Variants in ZNF738 observed in about 807,000 individuals in gnomAD.
ZNF738 encodes zinc finger protein 738, also known as protein ZNF738.
ZNF738 carries 10 observed loss-of-function variants against 9.2 expected under a neutral mutation model. The observed-to-expected ratio is 1.09, with a 90% confidence interval of 0.67 to 1.85. The LOEUF is 1.85. Ranked by LOEUF, ZNF738 falls within the 40% of genes most tolerant of loss-of-function variation. The pLI is 0.00. For missense variants in ZNF738, 346 were observed against 283.6 expected, an observed-to-expected ratio of 1.22 and a Z score of -1.58; for synonymous variants, 113 against 94.5, an observed-to-expected ratio of 1.20 and a Z score of -1.14.
At chr19:21,375,418 C>A in intron 3 of ZNF738, 54 bp downstream of exon 3, 1 of 580,032 alleles carries the variant, frequency 1.7e-6, no homozygotes, top group South Asian at 2.9e-5. Context: ...TTTCATTTCT[C>A]CATTTTTGTA....
chr19:21,387,246 TG>T lies in ZNF738; in HGVS notation c.*3574del, dbSNP rs1480540770. ...TCTTGTCCCCCAGGCTGGTGTGCAA[TG>T]GCATGATGTCGGCTCACTGCAAACT... On this transcript the variant is annotated 3_prime_UTR_variant, in exon 5 of 5. Coordinates refer to ENST00000683779, the MANE Select transcript of ZNF738 (RefSeq NM_001355237.2). 1 of 152,138 alleles carries T rather than the reference TG, an allele frequency of 6.6e-6. No homozygotes were observed. The highest frequency in any genetic ancestry group is 2.4e-5 in the African/African-American group (1 of 41,414). 9.4% of individuals were successfully genotyped at this position (152,138 alleles called of 1,614,324 possible). A position where few individuals can be genotyped will look rare whatever the true frequency, so the allele number is the denominator to read the frequency against.
intron 2 of ZNF738, among the ~76,000 whole-genome samples, chr19:21,367,400 G>T (rs1026748589): frequency 2.0e-5 from 3 of 152,142 alleles, no homozygotes; most frequent in African/African-American, 7.2e-5. Flanking sequence ...GGCCTATGGG[G>T]TTTGTGACTG....
rs919539548 is a variant in ZNF738 at position 21,388,124 on chromosome 19, T to C, written c.*4450T>C. 4.6e-5 allele frequency among the ~76,000 whole-genome samples: 7 copies of C among 152,168 alleles called. No homozygotes were observed. The highest frequency in any genetic ancestry group is 1.5e-5 in the Non-Finnish European group (1 of 68,016). Reference sequence around the variant, plus strand: ...CTGAGTATAGAAAATAATCTAAAACTAAAGTTGATAGAAAAAGTATTTGTA... The same window carrying C: ...CTGAGTATAGAAAATAATCTAAAACCAAAGTTGATAGAAAAAGTATTTGTA... On this transcript the variant is annotated 3_prime_UTR_variant, in exon 5 of 5. Coordinates refer to ENST00000683779, the MANE Select transcript of ZNF738 (RefSeq NM_001355237.2).
Position 21,386,512 on chromosome 19 carries a change from G to A in ZNF738, c.*2838G>A, listed in dbSNP as rs570894660. On this transcript the variant is annotated 3_prime_UTR_variant, in exon 5 of 5. Coordinates refer to ENST00000683779, the MANE Select transcript of ZNF738 (RefSeq NM_001355237.2). ...TGGAGAGAAACCTCACAACTGTGAA[G>A]AATGTGGCAAAGCTTTTAACCAGTC... The A allele has an allele frequency of 1.3e-5, 5 of 376,972 alleles. No individual in the cohort carries two copies. The East Asian group carries it at 2.7e-4, about 21-fold the overall frequency. The allele number at this position is 376,972 out of a possible 1,614,324, so 23.4% of individuals were successfully genotyped here.
chr19:21,368,376 A>G (rs1466931003), intron 2 of ZNF738, among the ~76,000 whole-genome samples: 1 of 152,118 alleles, frequency 6.6e-6, no homozygotes. Context: ...TCTAAGAATA[A>G]TGGTCTCCAG....
Position 21,377,468 on chromosome 19 carries a change from A to G in ZNF738, c.319+1504A>G, listed in dbSNP as rs757794971. On this transcript the variant is annotated intron_variant, in intron 4 of 4. Transcript: ENST00000683779. The stretch of plus-strand genomic sequence containing the variant: ...TCCAGTCTGTCAATATTTGCTTTAT[A>G]TATTTGGAACCTTAGTGTGACATAC... 9 of 706,308 alleles carry G rather than the reference A, an allele frequency of 1.3e-5. No individual in the cohort carries two copies. The South Asian group carries it at 1.3e-4, about 11-fold the overall frequency. 43.8% of individuals were successfully genotyped at this position (706,308 alleles called of 1,614,324 possible).
intron 2 of ZNF738, among the ~76,000 whole-genome samples, chr19:21,373,487 C>A (rs1654516081): frequency 6.6e-6 from 1 of 152,128 alleles, no homozygotes; most frequent in African/African-American, 2.4e-5. Context: ...ATTACTGTAG[C>A]AGAAATTGCT....
Position 21,383,453 on chromosome 19 carries a change from C to T in ZNF738, c.907C>T (p.Leu303Phe). The stretch of plus-strand genomic sequence containing the variant: ...CAAAGATTTTAAACAGTCCTCACAC[C>T]TTACTAAACATAAGACAATTCATGC... ...CGKDFKQSSH[L>F]TKHKTIHAGE... The change falls in exon 5 of 5, where the codon CTT becomes TTT. Residue 303 changes from leucine to phenylalanine, a missense_variant. Physicochemically the swap from Leu to Phe is conservative, Grantham distance 22. Coordinates refer to ENST00000683779, the MANE Select transcript of ZNF738 (RefSeq NM_001355237.2). 4 of 556,948 alleles carry T rather than the reference C, an allele frequency of 7.2e-6. No homozygotes were observed. Among genetic ancestry groups the T allele is most frequent in the Non-Finnish European group, 1.3e-5 (4 of 310,710 alleles). 34.5% of individuals were successfully genotyped at this position (556,948 alleles called of 1,614,324 possible).
intron 4 of ZNF738, chr19:21,377,870 GACTT>G: frequency 5.3e-6 from 2 of 380,840 alleles, no homozygotes; most frequent in Non-Finnish European, 9.3e-6. Flanking sequence ...GAAACAAAGA[GACTT>G]ACTAATTTTT....
At chr19:21,381,346 CT>C (rs1203356913) in intron 4 of ZNF738, 12 of 1,518,806 alleles carry the variant, frequency 7.9e-6, no homozygotes, top group Non-Finnish European at 1.0e-5. Context: ...GCTTTGCTTT[CT>C]TTTTGATGAA....
intron 2 of ZNF738, among the ~76,000 whole-genome samples, chr19:21,371,587 A>G (rs1321360737): frequency 6.6e-6 from 1 of 152,226 alleles, no homozygotes; most frequent in African/African-American, 2.4e-5. Flanking sequence ...TAGATGAAGC[A>G]GTCAAGGTCC....
chr19:21,360,831 C>G (rs1599709224), intron 1 of ZNF738, among the ~76,000 whole-genome samples: 1 of 68,158 alleles, frequency 1.5e-5, no homozygotes. Flanking sequence ...GTGCTTTTTT[C>G]TTTTCTTTTT....
rs2145248345 is a variant in ZNF738, at chr19:21,388,087, A to G, written c.*4413A>G. Among the ~76,000 whole-genome samples, 1 of 152,306 alleles carries G rather than the reference A, an allele frequency of 6.6e-6. No individual in the cohort carries two copies. The highest frequency in any genetic ancestry group is 3.4e-3 in the Middle Eastern group (1 of 294). ...AAGGAACTGACACTGCAGATATACTAAGTCAAGAGTTCTGAGTATAGAAAA... is the reference window on the plus strand; with the variant it reads ...AAGGAACTGACACTGCAGATATACTGAGTCAAGAGTTCTGAGTATAGAAAA... On this transcript the variant is annotated 3_prime_UTR_variant, in exon 5 of 5. Transcript: ENST00000683779.
At chr19:21,377,305 TA>T (rs879700513) in intron 4 of ZNF738, 56,432 of 428,390 alleles carry the variant, frequency 0.13, no homozygotes, top group South Asian at 0.19. Flanking sequence ...AAACTCCATC[TA>T]AAAAAAAAAA....
chr19:21,383,926 G>A lies in ZNF738; in HGVS notation c.*252G>A. 6.9e-7 allele frequency: 1 copy of A among 1,442,668 alleles called. No individual in the cohort carries two copies. Among genetic ancestry groups the A allele is most frequent in the East Asian group, 2.3e-5 (1 of 43,750 alleles). 89.4% of individuals were successfully genotyped at this position (1,442,668 alleles called of 1,614,324 possible). A position where few individuals can be genotyped will look rare whatever the true frequency, so the allele number is the denominator to read the frequency against. ...GAGAAACCCTACAAATGTGAAGAAT[G>A]TGGCAAAGCTTTTAACTGTTACTCC... On this transcript the variant is annotated 3_prime_UTR_variant, in exon 5 of 5. Coordinates refer to ENST00000683779, the MANE Select transcript of ZNF738 (RefSeq NM_001355237.2).
At chr19:21,378,792 T>TACTATC in intron 4 of ZNF738, 1 of 222,560 alleles carries the variant, frequency 4.5e-6, no homozygotes. Flanking sequence ...AGAGACAGGG[T>TACTATC]TTCTCCATGT....
In ZNF738 at chr19:21,385,680, C is replaced by A. The variant is rs1228182160; in HGVS notation, c.*2006C>A. Among the ~76,000 whole-genome samples the A allele has an allele frequency of 6.6e-6, 1 of 152,126 alleles. No homozygotes were observed. The highest frequency in any genetic ancestry group is 1.5e-5 in the Non-Finnish European group (1 of 68,006). ...AGATAATTCATACTGGAGAGAAACTCTACAAATGTCAAGAATGTGGCAAAG... is the reference window on the plus strand; with the variant it reads ...AGATAATTCATACTGGAGAGAAACTATACAAATGTCAAGAATGTGGCAAAG... On this transcript the variant is annotated 3_prime_UTR_variant, in exon 5 of 5. Transcript: ENST00000683779.
rs1974029474 is a variant in ZNF738, at chr19:21,383,380, T to G, written c.834T>G (p.His278Gln). 1.0e-6 allele frequency: 1 copy of G among 984,150 alleles called. No individual in the cohort carries two copies. The highest frequency in any genetic ancestry group is 2.5e-5 in the East Asian group (1 of 40,542). 61.0% of individuals were successfully genotyped at this position (984,150 alleles called of 1,614,324 possible). Residue 278 changes from histidine to glutamine, a missense_variant, in exon 5 of 5, where the codon CAT (histidine) becomes CAG (glutamine). His to Gln is a conservative substitution (Grantham distance 24, BLOSUM62 0). Transcript: ENST00000683779. ...ACCACTCCACAACTCTTACTAGACA[T>G]AAGGTAATTCATGCTGGAGAGAAAC... ...GFNHSTTLTR[H>Q]KVIHAGEKHY...
chr19:21,361,111 G>A (rs1401466138), intron 1 of ZNF738, among the ~76,000 whole-genome samples: 1 of 151,290 alleles, frequency 6.6e-6, no homozygotes, highest in African/African-American at 2.4e-5. Context: ...ACTGCGCCCT[G>A]CATAAATGGT....
Sources: gnomAD v4.1 joint callset for allele counts (sites outside exome capture counted in the v4.1 genomes callset) on GRCh38, gnomAD v4.1.1 for gene constraint, MANE v1.5 for transcripts, NCBI Gene and HGNC (gene_info 2026-07-23, HGNC 2026-07-21) for gene names.